TTC7B: variants seen among roughly 807,000 people sequenced by gnomAD.
The protein encoded by TTC7B is tetratricopeptide repeat protein 7B.
A neutral mutation model predicts 106.8 loss-of-function variants in TTC7B; 28 were observed. The ratio of observed to expected loss-of-function variants is 0.26; its 90% CI spans 0.19 to 0.36. TTC7B has a LOEUF of 0.36. Among genes scored for constraint, TTC7B ranks in the 10% least tolerant of loss-of-function variants. TTC7B has a pLI of 1.00. For synonymous variants in TTC7B, 405 were observed against 430.6 expected (o/e 0.94, Z 0.74); for missense variants, 862 against 1,076.4 (o/e 0.80, Z 2.79).
chr14:90,798,091 C>G (rs748473730), intron 1 of TTC7B, among the ~76,000 whole-genome samples: 4 of 152,162 alleles, frequency 2.6e-5, no homozygotes, highest in Non-Finnish European at 5.9e-5. Context: ...CTTTTTCCCT[C>G]TTGCTTCTCT....
chr14:90,556,761 G>A (rs1260056948), intron 19 of TTC7B, among the ~76,000 whole-genome samples: 2 of 152,306 alleles, frequency 1.3e-5, no homozygotes, highest in East Asian at 3.9e-4. Flanking sequence ...CAGGCCATGT[G>A]CGCCAGGCCA....
chr14:90,643,810 T>C (rs1427671009), intron 15 of TTC7B, among the ~76,000 whole-genome samples: 1 of 152,176 alleles, frequency 6.6e-6, no homozygotes, highest in Non-Finnish European at 1.5e-5. Context: ...CTCAAACTCC[T>C]GACCTCAGGT....
intron 6 of TTC7B, among the ~76,000 whole-genome samples, chr14:90,690,473 G>C (rs142070585): frequency 1.0e-3 from 152 of 152,294 alleles, no homozygotes; most frequent in African/African-American, 3.5e-3. Flanking sequence ...GCCTAAAACA[G>C]TACGATGTAT....
At chr14:90,558,536 G>T (rs139378665) in intron 19 of TTC7B, among the ~76,000 whole-genome samples, 2 of 152,364 alleles carry the variant, frequency 1.3e-5, no homozygotes, top group African/African-American at 2.4e-5. Flanking sequence ...TCACTGCCAG[G>T]GTTTGGCATT....
At chr14:90,713,648 A>G (rs190205273) in intron 5 of TTC7B, among the ~76,000 whole-genome samples, 29 of 152,356 alleles carry the variant, frequency 1.9e-4, no homozygotes, top group African/African-American at 6.7e-4. Context: ...AAAGTGAAAC[A>G]CAAACTTACC....
chr14:90,728,048 A>C (rs1889177034), intron 5 of TTC7B, among the ~76,000 whole-genome samples: 1 of 151,812 alleles, frequency 6.6e-6, no homozygotes, highest in African/African-American at 2.4e-5. Flanking sequence ...CATGTTCAAA[A>C]CCTCCCAACG....
chr14:90,656,846 G>T (rs1315428507), intron 11 of TTC7B, among the ~76,000 whole-genome samples: 1 of 152,208 alleles, frequency 6.6e-6, no homozygotes, highest in South Asian at 2.1e-4. Flanking sequence ...ATTCAGTGAC[G>T]TGTCTCTTCT....
At chr14:90,665,414 T>C (rs1480479721) in intron 9 of TTC7B, among the ~76,000 whole-genome samples, 3 of 152,216 alleles carry the variant, frequency 2.0e-5, no homozygotes, top group African/African-American at 7.2e-5. Flanking sequence ...TTTTCCAGCT[T>C]TTCATAAATC....
intron 19 of TTC7B, among the ~76,000 whole-genome samples, chr14:90,566,205 A>G (rs1170142558): frequency 1.3e-5 from 2 of 152,062 alleles, no homozygotes; most frequent in African/African-American, 4.8e-5. Flanking sequence ...TACAAAAACT[A>G]GCTGGGCATG....
chr14:90,741,420 C>A (rs1322346631), intron 4 of TTC7B, among the ~76,000 whole-genome samples: 2 of 152,062 alleles, frequency 1.3e-5, no homozygotes, highest in Non-Finnish European at 2.9e-5. Flanking sequence ...GCCCACAGGC[C>A]CCAGCGAGCA....
In TTC7B at chr14:90,531,883, T is replaced by C. The variant is rs1889298479; in HGVS notation, c.*9485A>G. The stretch of plus-strand genomic sequence containing the variant: ...CCCTTTCTTATTTAATTTTGTAGTT[T>C]TAAAAACTGCTACATAGGCCAGGCA... On this transcript the variant is annotated 3_prime_UTR_variant, in exon 20 of 20. Coordinates refer to ENST00000328459, the MANE Select transcript of TTC7B (RefSeq NM_001010854.2). 1 of 152,218 alleles carries C rather than the reference T, an allele frequency of 6.6e-6. No homozygotes were observed. The highest frequency in any genetic ancestry group is 6.5e-5 in the Admixed American group (1 of 15,282). 9.4% of individuals were successfully genotyped at this position (152,218 alleles called of 1,614,324 possible).
At chr14:90,557,766 T>C (rs575184083) in intron 19 of TTC7B, among the ~76,000 whole-genome samples, 1 of 152,346 alleles carries the variant, frequency 6.6e-6, no homozygotes, top group South Asian at 2.1e-4. Flanking sequence ...ACGGGCTCAC[T>C]GAGCAGTGCA....
chr14:90,654,862 C>G, intron 12 of TTC7B, 131 bp downstream of exon 12: 1 of 710,734 alleles, frequency 1.4e-6, no homozygotes, highest in East Asian at 2.6e-5. Flanking sequence ...GGGGCCCCAC[C>G]GGATGGCACA....
chr14:90,593,374 G>A (rs1438487085), intron 18 of TTC7B, 112 bp downstream of exon 18: 5 of 1,409,984 alleles, frequency 3.5e-6, no homozygotes, highest in South Asian at 3.1e-5. Context: ...CTCCTAATGA[G>A]GGGTGTGGGC....
At chr14:90,771,880 T>C (rs1009179088) in intron 3 of TTC7B, among the ~76,000 whole-genome samples, 5 of 147,182 alleles carry the variant, frequency 3.4e-5, no homozygotes, top group Admixed American at 1.4e-4. Flanking sequence ...AAATAAATAT[T>C]AAGTATATAC....
intron 15 of TTC7B, among the ~76,000 whole-genome samples, chr14:90,626,100 G>A (rs376408396): frequency 8.9e-4 from 136 of 152,216 alleles, no homozygotes; most frequent in African/African-American, 3.0e-3. Context: ...CAAATTTAAC[G>A]TCAAGAAGCA....
intron 17 of TTC7B, chr14:90,605,838 T>C: frequency 9.4e-7 from 1 of 1,066,876 alleles, no homozygotes; most frequent in Non-Finnish European, 1.2e-6. Context: ...AACTCGCTTT[T>C]AATATACTCA....
intron 2 of TTC7B, among the ~76,000 whole-genome samples, chr14:90,781,566 T>A (rs951434624): frequency 1.3e-5 from 2 of 152,126 alleles, no homozygotes; most frequent in African/African-American, 4.8e-5. Context: ...AAGTTAAACA[T>A]ACAAGCACCT....
chr14:90,559,040 CA>C (rs2139781348), intron 19 of TTC7B, among the ~76,000 whole-genome samples: 1 of 152,350 alleles, frequency 6.6e-6, no homozygotes, highest in African/African-American at 2.4e-5. Context: ...TATCAGTTAC[CA>C]CTTCAATATG....
Sources: allele counts gnomAD v4.1 joint callset (sites outside exome capture counted in the v4.1 genomes callset), GRCh38; gene constraint gnomAD v4.1.1; transcripts MANE v1.5; gene names NCBI Gene and HGNC (gene_info 2026-07-23, HGNC 2026-07-21).